The following MFSD8 variants were observed in gnomAD, a reference collection of about 807,000 sequenced individuals.
MFSD8 encodes major facilitator superfamily domain-containing protein 8.
In MFSD8, 55 loss-of-function variants were observed where a neutral mutation model predicts 66.4. The observed-to-expected ratio is 0.83, with a 90% CI of 0.67 to 1.04. MFSD8 has a LOEUF of 1.04. Among genes scored for constraint, MFSD8 ranks in the 50% least tolerant of loss-of-function variants. The pLI is 0.00. For synonymous variants in MFSD8, 202 were observed against 212.8 expected (o/e 0.95, Z 0.44); for missense variants, 550 against 627.6 (o/e 0.88, Z 1.32).
intron 9 of MFSD8, 92 bp downstream of exon 9, chr4:127,930,591 A>T: frequency 7.1e-7 from 1 of 1,405,308 alleles, no homozygotes; most frequent in Non-Finnish European, 9.9e-7. Context: ...AAAGCTTTAA[A>T]TTATTTTCCT....
intron 7 of MFSD8, among the ~76,000 whole-genome samples, chr4:127,937,618 T>C (rs1739292624): frequency 6.6e-6 from 1 of 152,242 alleles, no homozygotes; most frequent in Non-Finnish European, 1.5e-5. Flanking sequence ...AATTTGTTAC[T>C]GGCATTGTAT....
At chr4:127,928,959 T>C (rs1013910998) in intron 9 of MFSD8, among the ~76,000 whole-genome samples, 1 of 152,080 alleles carries the variant, frequency 6.6e-6, no homozygotes, top group Non-Finnish European at 1.5e-5. Flanking sequence ...ATGGTCATTA[T>C]GTTAAGTGAA....
At chr4:127,952,744 C>CTGTAATTAGCCTGTAGT (rs1742204107) in intron 2 of MFSD8, among the ~76,000 whole-genome samples, 1 of 151,276 alleles carries the variant, frequency 6.6e-6, no homozygotes, top group Non-Finnish European at 1.5e-5. Flanking sequence ...GTGGCAGGCA[C>CTGTAATTAGCCTGTAGT]CTGTAGTCTC....
chr4:127,945,796 C>T (rs780078478), intron 3 of MFSD8, among the ~76,000 whole-genome samples: 2 of 151,838 alleles, frequency 1.3e-5, no homozygotes, highest in Non-Finnish European at 2.9e-5. Flanking sequence ...TTACCTTTAG[C>T]TTCATTTGTC....
chr4:127,930,779 G>C lies in MFSD8; in HGVS notation c.902C>G (p.Thr301Ser). The C allele has an allele frequency of 6.2e-7, 1 of 1,612,446 alleles. No individual in the cohort carries two copies. Among genetic ancestry groups the C allele is most frequent in the Non-Finnish European group, 8.5e-7 (1 of 1,179,412 alleles). ...TPLTMDMYAW[T>S]QEQAVLYNGI... Reference sequence around the variant, plus strand: ...ATTATATAACACAGCTTGTTCTTGAGTCCAGGCATACATATCCATTGTTAA... The same window carrying C: ...ATTATATAACACAGCTTGTTCTTGACTCCAGGCATACATATCCATTGTTAA... The change falls in exon 9 of 12, where the codon ACT becomes AGT. Residue 301 changes from threonine (T) to serine (S), a missense_variant. Transcript: ENST00000641686.
chr4:127,943,671 G>T, intron 4 of MFSD8, 81 bp downstream of exon 4: 2 of 1,521,792 alleles, frequency 1.3e-6, no homozygotes, highest in African/African-American at 1.4e-5. Context: ...TTTAAAAGGG[G>T]ATGAGACCAG....
At chr4:127,965,212 G>T, upstream of MFSD8, 1 of 1,567,212 alleles carries the variant, frequency 6.4e-7, no homozygotes, top group Non-Finnish European at 8.7e-7. Flanking sequence ...CGTGAAGCTG[G>T]CAAAACAAGC....
At chr4:127,961,766 AG>A (rs1247156285) in intron 1 of MFSD8, among the ~76,000 whole-genome samples, 2 of 143,358 alleles carry the variant, frequency 1.4e-5, no homozygotes, top group Non-Finnish European at 3.0e-5. Context: ...GCTTGCAGTG[AG>A]CCGAGATTGC....
chr4:127,944,515 T>C (rs531334515), intron 3 of MFSD8, among the ~76,000 whole-genome samples: 1 of 152,322 alleles, frequency 6.6e-6, no homozygotes, highest in Non-Finnish European at 1.5e-5. Flanking sequence ...CCGTTCTATA[T>C]AGACCACTCA....
intron 7 of MFSD8, among the ~76,000 whole-genome samples, chr4:127,935,940 T>C (rs1374369847): frequency 6.6e-6 from 1 of 152,190 alleles, no homozygotes; most frequent in Non-Finnish European, 1.5e-5. Flanking sequence ...TGGTAGTTTG[T>C]TGTAAATGTA....
Position 127,923,552 on chromosome 4 carries a change from T to TTTTTTATTATTA in MFSD8, c.999-1590_999-1589insTAATAATAAAAA, listed in dbSNP as rs1553944537. 6.9e-5 allele frequency among the ~76,000 whole-genome samples: 9 copies of TTTTTTATTATTA among 130,562 alleles called. No homozygotes were observed. The East Asian group carries it at 8.9e-4, about 13-fold the overall frequency. The allele number at this position is 130,562 out of a possible 152,430, so 85.7% of individuals were successfully genotyped here. ...TCCAGTATTTTATTTTTTATTTTTATTTATTATTATTATTATTATTATTAT... is the reference window on the plus strand; with the variant it reads ...TCCAGTATTTTATTTTTTATTTTTATTTTTTATTATTATTATTATTATTATTATTATTATTAT... On this transcript the variant is annotated intron_variant, in intron 9 of 11. Coordinates refer to ENST00000641686, the MANE Select transcript of MFSD8 (RefSeq NM_001371596.2).
chr4:127,932,710 A>G (rs1453299362), intron 8 of MFSD8: 1 of 295,802 alleles, frequency 3.4e-6, no homozygotes, highest in Non-Finnish European at 6.4e-6. Flanking sequence ...AAAGTTTTAT[A>G]ACTGTATTTA....
intron 7 of MFSD8, among the ~76,000 whole-genome samples, 194 bp downstream of exon 7, chr4:127,938,589 A>AAAAT (rs1426841724): frequency 1.5e-5 from 2 of 137,266 alleles, no homozygotes; most frequent in Non-Finnish European, 3.0e-5. Flanking sequence ...TCTCAAAAAA[A>AAAAT]AAAAAATAAA....
Position 127,921,755 on chromosome 4 carries a change from T to G in MFSD8, c.1119A>C (p.Ser373=). Residue 373 remains serine (S), a synonymous_variant, in exon 11 of 12, where the codon TCA becomes TCC. Transcript: ENST00000641686. ...KIQWEDLHNN[S]IPNTTFGEII... ...TTTCCCCAAATGTGGTATTAGGGAT[T>G]GAATTATTGTGCAAATCTGTAAAAA... 6.2e-7 allele frequency: 1 copy of G among 1,614,190 alleles called. No individual in the cohort carries two copies. The highest frequency in any genetic ancestry group is 8.5e-7 in the Non-Finnish European group (1 of 1,180,032).
intron 6 of MFSD8, chr4:127,939,304 A>G (rs1323406076): frequency 6.4e-6 from 1 of 156,068 alleles, no homozygotes; most frequent in Admixed American, 6.4e-5. Flanking sequence ...ACTTAGCAAC[A>G]TGTAGTTAGT....
intron 3 of MFSD8, among the ~76,000 whole-genome samples, chr4:127,949,101 A>G (rs1251744090): frequency 6.6e-6 from 1 of 152,272 alleles, no homozygotes; most frequent in Non-Finnish European, 1.5e-5. Flanking sequence ...GTTTCAGGAC[A>G]GCAGAAAAGT....
intron 9 of MFSD8, among the ~76,000 whole-genome samples, chr4:127,924,884 C>G (rs1736936828): frequency 1.3e-5 from 2 of 152,144 alleles, no homozygotes; most frequent in South Asian, 4.1e-4. Context: ...ATTCTTGTAC[C>G]AAAACAGATA....
At chr4:127,964,507 G>C (rs1004541522) in intron 1 of MFSD8, among the ~76,000 whole-genome samples, 3 of 152,236 alleles carry the variant, frequency 2.0e-5, no homozygotes, top group African/African-American at 7.2e-5. Flanking sequence ...GCCCGGGGCC[G>C]GCAGGGCCGG....
intron 7 of MFSD8, chr4:127,934,414 C>T (rs1383638901): frequency 1.3e-5 from 2 of 152,110 alleles, no homozygotes; most frequent in East Asian, 3.9e-4. Context: ...TTGAACAACG[C>T]CTTAAGGTTA....
Sources: allele counts gnomAD v4.1 joint callset (sites outside exome capture counted in the v4.1 genomes callset), GRCh38; gene constraint gnomAD v4.1.1; transcripts MANE v1.5; gene names NCBI Gene and HGNC (gene_info 2026-07-23, HGNC 2026-07-21).